The following DLC1 variants were observed in gnomAD, a reference collection of about 807,000 sequenced individuals.
DLC1 encodes rho GTPase-activating protein 7.
Under a neutral mutation model 140.3 loss-of-function variants are expected in DLC1, and 54 were observed. That is an observed-to-expected ratio of 0.38 (90% CI 0.31 to 0.48). The LOEUF is 0.48. Ranked by LOEUF, DLC1 falls within the 20% of genes least tolerant of loss-of-function variation. The pLI, the probability that DLC1 is intolerant of heterozygous loss-of-function variation, is 0.96. For synonymous variants in DLC1, 986 were observed against 728.1 expected, an observed-to-expected ratio of 1.35 and a Z score of -5.70; for missense variants, 2,536 against 1,907.0, an observed-to-expected ratio of 1.33 and a Z score of -6.14.
At chr8:13,505,612 A>G (rs73559513) in intron 1 of DLC1, among the ~76,000 whole-genome samples, 4,539 of 152,240 alleles carry the variant, frequency 0.03, 95 homozygotes, top group African/African-American at 0.056. Flanking sequence ...TTTTTGCCCC[A>G]TTCCCCCTCA....
At chr8:13,121,735 T>C (rs1014044107) in intron 5 of DLC1, among the ~76,000 whole-genome samples, 3 of 151,960 alleles carry the variant, frequency 2.0e-5, no homozygotes, top group Non-Finnish European at 2.9e-5. Flanking sequence ...CTATTTTTTA[T>C]AGAGACAGAG....
At chr8:13,131,634 A>G (rs1284458550) in intron 5 of DLC1, among the ~76,000 whole-genome samples, 3 of 152,204 alleles carry the variant, frequency 2.0e-5, no homozygotes, top group Non-Finnish European at 4.4e-5. Context: ...TGCGGTGATT[A>G]GCACACACTG....
intron 2 of DLC1, among the ~76,000 whole-genome samples, chr8:13,430,173 A>C (rs1366366406): frequency 6.6e-6 from 1 of 152,188 alleles, no homozygotes; most frequent in Non-Finnish European, 1.5e-5. Context: ...AATAGTTCTC[A>C]AATTGGAGAG....
chr8:13,167,967 T>C (rs1359035961), intron 5 of DLC1, among the ~76,000 whole-genome samples: 1 of 152,240 alleles, frequency 6.6e-6, no homozygotes, highest in Non-Finnish European at 1.5e-5. Flanking sequence ...TTAGTCCCTT[T>C]AGAGTGTTCT....
At chr8:13,361,412 G>C (rs939461745) in intron 4 of DLC1, among the ~76,000 whole-genome samples, 4 of 149,500 alleles carry the variant, frequency 2.7e-5, no homozygotes, top group African/African-American at 9.8e-5. Context: ...ATGCTAACAT[G>C]CTCTGCTAAT....
At chr8:13,124,057 C>T (rs1821349198) in intron 5 of DLC1, among the ~76,000 whole-genome samples, 2 of 152,116 alleles carry the variant, frequency 1.3e-5, no homozygotes, top group African/African-American at 4.8e-5. Context: ...ATAAGTGATA[C>T]AGTCTTATAT....
intron 11 of DLC1, 41 bp downstream of exon 11, chr8:13,095,045 G>A (rs369361154): frequency 8.8e-5 from 142 of 1,613,310 alleles, no homozygotes; most frequent in African/African-American, 2.7e-4. Context: ...CATGTAATCC[G>A]AGCTCCCCTG....
chr8:13,151,550 G>A (rs1250937070), intron 5 of DLC1, among the ~76,000 whole-genome samples: 3 of 151,904 alleles, frequency 2.0e-5, no homozygotes, highest in Non-Finnish European at 4.4e-5. Flanking sequence ...GAAATGGACT[G>A]AAAAAGAAAA....
intron 5 of DLC1, chr8:13,304,676 T>A (rs974292712): frequency 1.0e-4 from 97 of 950,692 alleles, no homozygotes; most frequent in Non-Finnish European, 9.9e-5. Context: ...ATAGTATGAT[T>A]TTTTAAAAAC....
At chr8:13,095,471 G>T in intron 10 of DLC1, 1 of 563,894 alleles carries the variant, frequency 1.8e-6, no homozygotes, top group Non-Finnish European at 3.2e-6. Context: ...ATTGGCCTGT[G>T]CAGATAAAGA....
chr8:13,459,933 G>T (rs150871790), intron 2 of DLC1, among the ~76,000 whole-genome samples: 2 of 152,110 alleles, frequency 1.3e-5, no homozygotes, highest in Non-Finnish European at 2.9e-5. Flanking sequence ...ATATCGCTTT[G>T]TGTGTATTGT....
intron 5 of DLC1, among the ~76,000 whole-genome samples, chr8:13,131,389 CGAGCTGCAATG>C: frequency 6.6e-6 from 1 of 152,218 alleles, no homozygotes. Context: ...TGCCTTCTCC[CGAGCTGCAATG>C]TTTTTTCCAA....
intron 5 of DLC1, among the ~76,000 whole-genome samples, chr8:13,208,571 C>G (rs1827783123): frequency 6.6e-6 from 1 of 152,092 alleles, no homozygotes; most frequent in African/African-American, 2.4e-5. Context: ...AAAAGTTCTT[C>G]TTATGTGATA....
At chr8:13,254,204 A>G (rs1830121377) in intron 5 of DLC1, among the ~76,000 whole-genome samples, 1 of 152,028 alleles carries the variant, frequency 6.6e-6, no homozygotes, top group African/African-American at 2.4e-5. Context: ...AGAATAAAGA[A>G]AAGAACAAAA....
chr8:13,331,020 G>C (rs1420632210), intron 4 of DLC1, among the ~76,000 whole-genome samples: 1 of 152,114 alleles, frequency 6.6e-6, no homozygotes, highest in East Asian at 1.9e-4. Context: ...TGAGCACCAA[G>C]GGTATCCAAA....
chr8:13,259,733 A>T (rs571093449), intron 5 of DLC1, among the ~76,000 whole-genome samples: 1 of 152,308 alleles, frequency 6.6e-6, no homozygotes, highest in Admixed American at 6.5e-5. Flanking sequence ...TGCAGCCTGA[A>T]AAAAAACAAC....
At chr8:13,460,887 G>A (rs1348522182) in intron 2 of DLC1, among the ~76,000 whole-genome samples, 10 of 152,202 alleles carry the variant, frequency 6.6e-5, no homozygotes, top group African/African-American at 2.4e-4. Flanking sequence ...ATTTCACAGT[G>A]TGAGGGGAAA....
At chr8:13,406,181 GTT>G (rs77753653) in intron 2 of DLC1, among the ~76,000 whole-genome samples, 10 of 84,952 alleles carry the variant, frequency 1.2e-4, no homozygotes, top group South Asian at 5.0e-4. Context: ...TAATTTTTGT[GTT>G]TTTTTTTTTT....
intron 2 of DLC1, among the ~76,000 whole-genome samples, chr8:13,449,914 G>A (rs1798962665): frequency 6.6e-6 from 1 of 151,594 alleles, no homozygotes. Context: ...ACAGCAGTGG[G>A]GTTCTTATCT....
Sources: allele counts gnomAD v4.1 joint callset (sites outside exome capture counted in the v4.1 genomes callset), GRCh38; gene constraint gnomAD v4.1.1; transcripts MANE v1.5; gene names NCBI Gene and HGNC (gene_info 2026-07-23, HGNC 2026-07-21).